NKAIN2: variants seen among roughly 807,000 people sequenced by gnomAD.
NKAIN2 encodes the protein sodium/potassium-transporting ATPase subunit beta-1-interacting protein 2.
A neutral mutation model predicts 32.6 loss-of-function variants in NKAIN2; 14 were observed. That is an observed-to-expected ratio of 0.43 (90% CI 0.28 to 0.67). The LOEUF (loss-of-function observed/expected upper bound fraction) is 0.67, where lower values mean the gene tolerates loss of function less well. Among genes scored for constraint, NKAIN2 ranks in the 30% least tolerant of loss-of-function variants. The probability of loss-of-function intolerance (pLI) is 0.17; values close to 1 mark genes in which losing one functional copy is unlikely to be tolerated. For missense variants in NKAIN2, 198 were observed against 258.3 expected, an observed-to-expected ratio of 0.77 and a Z score of 1.60; for synonymous variants, 80 against 87.2, an observed-to-expected ratio of 0.92 and a Z score of 0.46.
At chr6:124,684,388 A>G (rs771007932) in intron 4 of NKAIN2, among the ~76,000 whole-genome samples, 3 of 152,218 alleles carry the variant, frequency 2.0e-5, no homozygotes, top group Non-Finnish European at 4.4e-5. Context: ...GCTCCACCCC[A>G]GACTCCTATC....
chr6:124,605,054 A>T (rs546127713), intron 3 of NKAIN2, among the ~76,000 whole-genome samples: 3 of 151,932 alleles, frequency 2.0e-5, no homozygotes, highest in African/African-American at 7.2e-5. Context: ...ACATAAAGAA[A>T]CCCTTTCATG....
chr6:124,583,355 A>T (rs1422917981), intron 3 of NKAIN2, among the ~76,000 whole-genome samples: 2 of 152,120 alleles, frequency 1.3e-5, no homozygotes, highest in Non-Finnish European at 2.9e-5. Flanking sequence ...AAATCAAAAA[A>T]GTAATCCAAT....
At chr6:123,860,920 C>T (rs1317234126) in intron 1 of NKAIN2, among the ~76,000 whole-genome samples, 6 of 152,262 alleles carry the variant, frequency 3.9e-5, no homozygotes, top group Admixed American at 1.3e-4. Context: ...TCAGAATGCC[C>T]GCAGTATGCC....
intron 3 of NKAIN2, among the ~76,000 whole-genome samples, chr6:124,361,000 T>A (rs1799263894): frequency 6.6e-6 from 1 of 152,160 alleles, no homozygotes; most frequent in Admixed American, 6.6e-5. Flanking sequence ...GCAATTGTGG[T>A]TCCCTTGATC....
chr6:123,992,174 C>T (rs1019341089), intron 1 of NKAIN2, among the ~76,000 whole-genome samples: 7 of 152,028 alleles, frequency 4.6e-5, no homozygotes, highest in African/African-American at 1.2e-4. Context: ...GTTTCCTTCT[C>T]GCTTCAACCA....
In NKAIN2 at chr6:124,130,410, A is replaced by G. The variant is rs192812743; in HGVS notation, c.55-152595A>G. Among the ~76,000 whole-genome samples, 42 of 152,314 alleles carry G rather than the reference A, an allele frequency of 2.8e-4. No individual in the cohort carries two copies. In the East Asian group the frequency reaches 7.3e-3, roughly 27 times the overall value. On this transcript the variant is annotated intron_variant, in intron 1 of 6. Coordinates refer to ENST00000368417, the MANE Select transcript of NKAIN2 (RefSeq NM_001040214.3). ...CCTCATCCATGAAAACTGTAACAAC[A>G]TCTGCCCCTAATTAATGTTTTTCAT... is the stretch of plus-strand genomic sequence containing the variant.
chr6:124,237,136 C>T (rs1006045979), intron 1 of NKAIN2, among the ~76,000 whole-genome samples: 5 of 151,866 alleles, frequency 3.3e-5, no homozygotes, highest in Admixed American at 6.6e-5. Context: ...CTGACAATAC[C>T]GACATCAGAA....
At chr6:124,345,014 C>A (rs1035949018) in intron 2 of NKAIN2, among the ~76,000 whole-genome samples, 12 of 152,116 alleles carry the variant, frequency 7.9e-5, no homozygotes, top group Non-Finnish European at 1.2e-4. Flanking sequence ...CCCATCAATA[C>A]CTAATTTATT....
chr6:124,450,817 C>T (rs539656780), intron 3 of NKAIN2, among the ~76,000 whole-genome samples: 1 of 152,020 alleles, frequency 6.6e-6, no homozygotes, highest in South Asian at 2.1e-4. Flanking sequence ...ACTACATTTC[C>T]ACTCAAGGAA....
intron 3 of NKAIN2, among the ~76,000 whole-genome samples, chr6:124,456,711 T>C (rs1776337156): frequency 6.6e-6 from 1 of 152,008 alleles, no homozygotes; most frequent in African/African-American, 2.4e-5. Flanking sequence ...GTGAACATTT[T>C]CTTTTAGAAT....
intron 1 of NKAIN2, among the ~76,000 whole-genome samples, chr6:124,039,701 T>G (rs559399131): frequency 3.5e-4 from 53 of 152,082 alleles, no homozygotes; most frequent in Admixed American, 2.5e-3. Flanking sequence ...ATTTGCCCTT[T>G]GCTGGTATTA....
At chr6:124,062,128 AACTT>A (rs985656162) in intron 1 of NKAIN2, among the ~76,000 whole-genome samples, 3 of 152,152 alleles carry the variant, frequency 2.0e-5, no homozygotes, top group South Asian at 2.1e-4. Flanking sequence ...TATAAATAAA[AACTT>A]AAGTATAAAC....
At chr6:124,799,486 A>T (rs147874471) in intron 5 of NKAIN2, among the ~76,000 whole-genome samples, 25 of 152,208 alleles carry the variant, frequency 1.6e-4, no homozygotes, top group Admixed American at 5.9e-4. Context: ...CACACATACT[A>T]TGTTCATCGT....
rs1342880193 is a variant in NKAIN2 at position 123,938,435 on chromosome 6, T to C, written c.54+134181T>C. Among the ~76,000 whole-genome samples, 390 of 46,230 alleles carry C rather than the reference T, an allele frequency of 8.4e-3. 11 individuals carry two copies. Among genetic ancestry groups the C allele is most frequent in the Non-Finnish European group, 0.011 (304 of 26,596 alleles). 30.3% of individuals were successfully genotyped at this position (46,230 alleles called of 152,430 possible). On this transcript the variant is annotated intron_variant, in intron 1 of 6. Coordinates refer to ENST00000368417, the MANE Select transcript of NKAIN2 (RefSeq NM_001040214.3). ...ATATATATATATATATATATATATA[T>C]ATATATATATATATATACACACACA...
At chr6:124,299,441 C>T (rs761611470) in intron 2 of NKAIN2, among the ~76,000 whole-genome samples, 8 of 152,228 alleles carry the variant, frequency 5.3e-5, no homozygotes, top group Admixed American at 2.6e-4. Flanking sequence ...TTCTCCAAAT[C>T]GGATCATTGC....
chr6:123,870,319 C>T lies in NKAIN2; in HGVS notation c.54+66065C>T, dbSNP rs541536146. Among the ~76,000 whole-genome samples the T allele has an allele frequency of 2.2e-3, 328 of 152,222 alleles. 2 individuals carry two copies. Among genetic ancestry groups the T allele is most frequent in the African/African-American group, 7.5e-3 (311 of 41,540 alleles). ...GGAAGGAGGAAGTGATTCATTTCAACTCTGATTGATTTCTGTTTTAAATAG... is the reference window on the plus strand; with the variant it reads ...GGAAGGAGGAAGTGATTCATTTCAATTCTGATTGATTTCTGTTTTAAATAG... On this transcript the variant is annotated intron_variant, in intron 1 of 6. Transcript: ENST00000368417.
Position 124,775,714 on chromosome 6 carries a change from C to T in NKAIN2, c.475-15625C>T, listed in dbSNP as rs537792712. On this transcript the variant is annotated intron_variant, in intron 4 of 6. Coordinates refer to ENST00000368417, the MANE Select transcript of NKAIN2 (RefSeq NM_001040214.3). ...CCTGCAACATCAAGCTTGCACTCTA[C>T]GTGAGCAGTGACCCTACTATCTTAG... Among the ~76,000 whole-genome samples the T allele has an allele frequency of 8.9e-4, 136 of 152,280 alleles. 1 individual carries two copies. The highest frequency in any genetic ancestry group is 3.2e-3 in the African/African-American group (135 of 41,566).
chr6:124,481,263 T>C (rs1777438240), intron 3 of NKAIN2, among the ~76,000 whole-genome samples: 1 of 151,918 alleles, frequency 6.6e-6, no homozygotes, highest in Non-Finnish European at 1.5e-5. Context: ...AGAAAAAATA[T>C]TATTTCCAAG....
intron 4 of NKAIN2, among the ~76,000 whole-genome samples, chr6:124,725,949 C>G (rs1013141245): frequency 6.6e-6 from 1 of 152,236 alleles, no homozygotes; most frequent in African/African-American, 2.4e-5. Context: ...GGGTGACGGA[C>G]GGCACCTTGA....
Sources: gnomAD v4.1 joint callset for allele counts (sites outside exome capture counted in the v4.1 genomes callset) on GRCh38, gnomAD v4.1.1 for gene constraint, MANE v1.5 for transcripts, NCBI Gene and HGNC (gene_info 2026-07-23, HGNC 2026-07-21) for gene names.